KLHL29: variants seen among roughly 807,000 people sequenced by gnomAD.
KLHL29 encodes the protein kelch-like protein 29.
In KLHL29, 21 loss-of-function variants were observed where a neutral mutation model predicts 80.4. The ratio of observed to expected loss-of-function variants is 0.26; its 90% CI spans 0.19 to 0.38. The LOEUF (loss-of-function observed/expected upper bound fraction) is 0.38, where lower values mean the gene tolerates loss of function less well. KLHL29 is among the 10% of genes least tolerant of loss of function. KLHL29 has a pLI of 1.00. For missense variants in KLHL29, 867 were observed against 1,223.9 expected, an observed-to-expected ratio of 0.71 and a Z score of 4.35; for synonymous variants, 511 against 526.8, an observed-to-expected ratio of 0.97 and a Z score of 0.41.
chr2:23,421,304 G>T, intron 1 of KLHL29, among the ~76,000 whole-genome samples: 1 of 152,224 alleles, frequency 6.6e-6, no homozygotes, highest in East Asian at 1.9e-4. Context: ...CTGAAGGGGT[G>T]TCTGCTCCTG....
chr2:23,428,042 A>G (rs138297853), intron 1 of KLHL29, among the ~76,000 whole-genome samples: 178 of 152,290 alleles, frequency 1.2e-3, no homozygotes, highest in African/African-American at 4.2e-3. Context: ...GTGAAAACTC[A>G]TTTCTTGATT....
intron 1 of KLHL29, among the ~76,000 whole-genome samples, chr2:23,426,095 G>A (rs1005174824): frequency 6.6e-6 from 1 of 152,178 alleles, no homozygotes; most frequent in Non-Finnish European, 1.5e-5. Flanking sequence ...ATGGCCTCAG[G>A]GTCATGGGAA....
intron 1 of KLHL29, among the ~76,000 whole-genome samples, chr2:23,455,004 G>T (rs951393755): frequency 2.8e-4 from 38 of 137,978 alleles, no homozygotes; most frequent in Non-Finnish European, 4.2e-4. Context: ...AGTGGGTTGG[G>T]GGGGGGGCAT....
At chr2:23,569,670 A>G (rs1412818364) in intron 3 of KLHL29, among the ~76,000 whole-genome samples, 1 of 152,218 alleles carries the variant, frequency 6.6e-6, no homozygotes, top group Non-Finnish European at 1.5e-5. Flanking sequence ...TTACAAATGA[A>G]CTTTCAGAAC....
chr2:23,549,697 G>A (rs1250728030), intron 2 of KLHL29, among the ~76,000 whole-genome samples: 1 of 152,206 alleles, frequency 6.6e-6, no homozygotes, highest in African/African-American at 2.4e-5. Flanking sequence ...CTTCCTTGGG[G>A]GTCGCTGCTG....
At chr2:23,666,572 C>G (rs182684705) in intron 5 of KLHL29, among the ~76,000 whole-genome samples, 1 of 152,204 alleles carries the variant, frequency 6.6e-6, no homozygotes, top group East Asian at 1.9e-4. Context: ...ATGACTGTTC[C>G]GCAAAGCCCG....
At chr2:23,524,462 G>A (rs866048282) in intron 2 of KLHL29, 7 of 166,048 alleles carry the variant, frequency 4.2e-5, no homozygotes, top group Admixed American at 1.2e-4. Context: ...CATGGCTCAC[G>A]GGTGGGCGGC....
At chr2:23,509,998 T>C (rs1032461791) in intron 2 of KLHL29, among the ~76,000 whole-genome samples, 1 of 152,176 alleles carries the variant, frequency 6.6e-6, no homozygotes, top group Non-Finnish European at 1.5e-5. Flanking sequence ...TTCCATTCCA[T>C]CATTCCTTCC....
At chr2:23,412,859 G>A (rs1666899592) in intron 1 of KLHL29, among the ~76,000 whole-genome samples, 1 of 152,150 alleles carries the variant, frequency 6.6e-6, no homozygotes, top group South Asian at 2.1e-4. Flanking sequence ...GAGATGGCTG[G>A]TTCAGCAGCG....
chr2:23,491,121 T>A (rs929954699), intron 2 of KLHL29, among the ~76,000 whole-genome samples: 2 of 152,008 alleles, frequency 1.3e-5, no homozygotes, highest in African/African-American at 4.8e-5. Context: ...CCCTCCCCTT[T>A]CCCCCAACTC....
At chr2:23,514,124 G>T (rs1013806962) in intron 2 of KLHL29, among the ~76,000 whole-genome samples, 4 of 152,232 alleles carry the variant, frequency 2.6e-5, no homozygotes, top group Non-Finnish European at 5.9e-5. Flanking sequence ...GCCAGAAATT[G>T]TATTCCTTTA....
chr2:23,576,726 C>T (rs747805371), intron 3 of KLHL29, among the ~76,000 whole-genome samples: 18 of 152,294 alleles, frequency 1.2e-4, no homozygotes, highest in South Asian at 2.1e-4. Flanking sequence ...AATTAGTAAC[C>T]GCCGCGTCCA....
chr2:23,450,665 A>G (rs1663851346), intron 1 of KLHL29, among the ~76,000 whole-genome samples: 1 of 152,188 alleles, frequency 6.6e-6, no homozygotes, highest in African/African-American at 2.4e-5. Flanking sequence ...GTGAAAGCAG[A>G]GTTGTGTATC....
chr2:23,578,914 C>T (rs1020021159), intron 3 of KLHL29, among the ~76,000 whole-genome samples: 2 of 152,284 alleles, frequency 1.3e-5, no homozygotes, highest in African/African-American at 4.8e-5. Flanking sequence ...TGTAGCACCT[C>T]GCTAATTAAA....
intron 11 of KLHL29, among the ~76,000 whole-genome samples, chr2:23,699,352 C>G (rs981512113): frequency 6.6e-6 from 1 of 152,244 alleles, no homozygotes; most frequent in African/African-American, 2.4e-5. Context: ...CGTCCAGGCA[C>G]TCACCGAACA....
chr2:23,462,889 T>A (rs1664253571), intron 1 of KLHL29, among the ~76,000 whole-genome samples: 1 of 152,142 alleles, frequency 6.6e-6, no homozygotes, highest in South Asian at 2.1e-4. Flanking sequence ...AATCCCAGCA[T>A]TTTGGGAGGC....
intron 3 of KLHL29, among the ~76,000 whole-genome samples, chr2:23,620,949 C>T (rs1669165328): frequency 6.6e-6 from 1 of 152,352 alleles, no homozygotes; most frequent in East Asian, 1.9e-4. Context: ...CGGGGATGAC[C>T]CCGCATGGGA....
chr2:23,571,494 C>T (rs1030571537), intron 3 of KLHL29, among the ~76,000 whole-genome samples: 10 of 152,182 alleles, frequency 6.6e-5, no homozygotes, highest in Admixed American at 1.3e-4. Context: ...CAGCCCCTGC[C>T]GAGAATATGA....
chr2:23,699,278 A>C (rs1672205096), intron 11 of KLHL29, among the ~76,000 whole-genome samples: 1 of 152,136 alleles, frequency 6.6e-6, no homozygotes, highest in Non-Finnish European at 1.5e-5. Flanking sequence ...GCCTCCCAGG[A>C]AAGATGTGCT....
Sources: gnomAD v4.1 joint callset for allele counts (sites outside exome capture counted in the v4.1 genomes callset) on GRCh38, gnomAD v4.1.1 for gene constraint, MANE v1.5 for transcripts, NCBI Gene and HGNC (gene_info 2026-07-23, HGNC 2026-07-21) for gene names.